SDK2: variants seen among roughly 807,000 people sequenced by gnomAD.
SDK2 encodes the protein protein sidekick-2.
SDK2 carries 105 observed loss-of-function variants against 253.9 expected under a neutral mutation model. The ratio of observed to expected loss-of-function variants is 0.41; its 90% confidence interval spans 0.35 to 0.49. The LOEUF (loss-of-function observed/expected upper bound fraction) is 0.49. SDK2 is among the 20% of genes least tolerant of loss of function. The pLI, the probability that SDK2 is intolerant of heterozygous loss-of-function variation, is 0.06. For missense variants in SDK2, 2,608 were observed against 3,003.0 expected (o/e 0.87, Z 3.07); for synonymous variants, 1,249 against 1,234.9 (o/e 1.01, Z -0.24).
At chr17:73,641,475 A>T (rs139798125) in intron 1 of SDK2, among the ~76,000 whole-genome samples, 1 of 152,232 alleles carries the variant, frequency 6.6e-6, no homozygotes, top group Non-Finnish European at 1.5e-5. Flanking sequence ...ACCTCACTGC[A>T]CTTTGCTTGG....
chr17:73,506,583 T>G (rs2063937465), intron 2 of SDK2, among the ~76,000 whole-genome samples: 1 of 152,234 alleles, frequency 6.6e-6, no homozygotes, highest in Non-Finnish European at 1.5e-5. Context: ...TGGCAGCAGA[T>G]TTGTGTCAAC....
chr17:73,542,599 C>T (rs974232156), intron 1 of SDK2, among the ~76,000 whole-genome samples: 3 of 152,036 alleles, frequency 2.0e-5, no homozygotes, highest in Non-Finnish European at 4.4e-5. Context: ...GTCCCCTCAA[C>T]GAGGAGGGGT....
chr17:73,490,043 A>T (rs2063795191), intron 2 of SDK2, among the ~76,000 whole-genome samples: 1 of 152,106 alleles, frequency 6.6e-6, no homozygotes, highest in Non-Finnish European at 1.5e-5. Flanking sequence ...TTCACAGCAG[A>T]CTTCTTACAC....
Position 73,338,360 on chromosome 17 carries a change from C to T in SDK2, c.*227G>A, listed in dbSNP as rs1179052944. ...TGTAATTCCCAAGGGAGCAGTGAAC[C>T]CCACCATCTCAAAGCTGAAGAGCTG... On this transcript the variant is annotated 3_prime_UTR_variant, in exon 45 of 45. Transcript: ENST00000392650. This position sits in a 1 kb window ranked among gnomAD's most constrained non-coding sequence, Gnocchi z 5.0. 4 of 676,744 alleles carry T rather than the reference C, an allele frequency of 5.9e-6. No homozygotes were observed. The highest frequency in any genetic ancestry group is 5.3e-5 in the African/African-American group (3 of 56,768). The allele number at this position is 676,744 out of a possible 1,614,324, so 41.9% of individuals were successfully genotyped here. A position where few individuals can be genotyped will look rare whatever the true frequency, so the allele number is the denominator to read the frequency against.
chr17:73,339,283 T>C (rs2145363881), intron 44 of SDK2, among the ~76,000 whole-genome samples: 1 of 148,896 alleles, frequency 6.7e-6, no homozygotes, highest in Admixed American at 6.9e-5. Flanking sequence ...CTGGAGTACA[T>C]TGGCATGATC....
chr17:73,472,304 C>T lies in SDK2; in HGVS notation c.225-86G>A. On this transcript the variant is annotated intron_variant, in intron 2 of 44. Coordinates refer to ENST00000392650, the MANE Select transcript of SDK2 (RefSeq NM_001144952.2). ...GATTGGGCTCAGAGGTCAGAGGTCG[C>T]CAGGTCACCCTCTTTTGGAATAAGA... 5.9e-6 allele frequency: 5 copies of T among 848,238 alleles called. No homozygotes were observed. The South Asian group carries it at 7.4e-5, about 13-fold the overall frequency. 52.5% of individuals were successfully genotyped at this position (848,238 alleles called of 1,614,324 possible). A position where few individuals can be genotyped will look rare whatever the true frequency, so the allele number is the denominator to read the frequency against.
chr17:73,388,290 C>T (rs1295011169), intron 29 of SDK2, among the ~76,000 whole-genome samples: 2 of 152,192 alleles, frequency 1.3e-5, no homozygotes, highest in Non-Finnish European at 2.9e-5. Context: ...TCAGGGCAGC[C>T]CTAAGCAAGG....
rs138688703 is a variant in SDK2 at position 73,529,147 on chromosome 17, T to C, written c.65-21550A>G. Among the ~76,000 whole-genome samples the C allele has an allele frequency of 1.1e-4, 16 of 152,296 alleles. No individual in the cohort carries two copies. In the East Asian group the frequency reaches 2.7e-3, roughly 26 times the overall value. On this transcript the variant is annotated intron_variant, in intron 1 of 44. Transcript: ENST00000392650. ...ACTATTTCCTTGTCCAGAAGAAAGA[T>C]GATTCTGGGAAGAGAGGAGGTGGTT...
Position 73,430,543 on chromosome 17 carries a change from G to A in SDK2, c.1551C>T (p.Cys517=), listed in dbSNP as rs776557649. 30 of 1,607,388 alleles carry A rather than the reference G, an allele frequency of 1.9e-5. No homozygotes were observed. The highest frequency in any genetic ancestry group is 5.1e-5 in the Admixed American group (3 of 59,230). Residue 517 remains cysteine (C), a synonymous_variant, in exon 12 of 45, where the codon TGC becomes TGT. Transcript: ENST00000392650. ...VIKGTQASMV[C]GVTHDPRVTI... is the part of the protein sequence containing the mutation. ...TTACTCGGGGGTCGTGGGTCACTCC[G>A]CACACCATGGAGGCCTGGGTGCCCT...
chr17:73,608,059 C>T (rs1301031218), intron 1 of SDK2, among the ~76,000 whole-genome samples: 2 of 152,022 alleles, frequency 1.3e-5, no homozygotes, highest in Non-Finnish European at 2.9e-5. Context: ...CTTGGACTTC[C>T]CTCGTCTTTC....
chr17:73,554,981 G>A (rs1171449319), intron 1 of SDK2, among the ~76,000 whole-genome samples: 1 of 152,236 alleles, frequency 6.6e-6, no homozygotes, highest in Non-Finnish European at 1.5e-5. Context: ...GCTCAGGCAG[G>A]GCCTTGGTGC....
chr17:73,402,965 T>G lies in SDK2; in HGVS notation c.2485-824A>C, dbSNP rs542719005. 1.8e-4 allele frequency among the ~76,000 whole-genome samples: 27 copies of G among 152,030 alleles called. No individual in the cohort carries two copies. The South Asian group carries it at 5.2e-3, about 29-fold the overall frequency. On this transcript the variant is annotated intron_variant, in intron 18 of 44. Coordinates refer to ENST00000392650, the MANE Select transcript of SDK2 (RefSeq NM_001144952.2). ...GACATGCACCACCATGCCCGGCTAA[T>G]TTTTGTATTTTTAGTAGAGATGGGG...
chr17:73,549,861 G>C (rs2045026658), intron 1 of SDK2, among the ~76,000 whole-genome samples: 1 of 152,178 alleles, frequency 6.6e-6, no homozygotes, highest in African/African-American at 2.4e-5. Flanking sequence ...TTCTGTAACA[G>C]AAAGATCACT....
Position 73,452,804 on chromosome 17 carries a change from C to T in SDK2, c.479+3102G>A, listed in dbSNP as rs558564468. ...TACCAATTGATTGGCTTGCAATAGGCCATGGGAAATAACCTCAGAAAGGGA... is the reference window on the plus strand; with the variant it reads ...TACCAATTGATTGGCTTGCAATAGGTCATGGGAAATAACCTCAGAAAGGGA... On this transcript the variant is annotated intron_variant, in intron 4 of 44. Transcript: ENST00000392650. Among the ~76,000 whole-genome samples the T allele has an allele frequency of 2.3e-3, 356 of 152,284 alleles. 3 individuals carry two copies. The highest frequency in any genetic ancestry group is 4.0e-3 in the Non-Finnish European group (274 of 68,026).
intron 18 of SDK2, among the ~76,000 whole-genome samples, chr17:73,408,083 G>C (rs1331502064): frequency 7.2e-6 from 1 of 139,374 alleles, no homozygotes; most frequent in African/African-American, 2.7e-5. Flanking sequence ...ACAGAGTCTG[G>C]CTCTGTCGCC....
chr17:73,463,501 A>C (rs1279529648), intron 3 of SDK2, among the ~76,000 whole-genome samples: 1 of 152,206 alleles, frequency 6.6e-6, no homozygotes, highest in Non-Finnish European at 1.5e-5. Flanking sequence ...TAGAACACTA[A>C]CAATACCTTT....
At chr17:73,605,047 G>A (rs187942576) in intron 1 of SDK2, among the ~76,000 whole-genome samples, 2 of 152,332 alleles carry the variant, frequency 1.3e-5, no homozygotes, top group Admixed American at 6.5e-5. Flanking sequence ...ACTGGGCAAG[G>A]CCAACTATGG....
chr17:73,475,404 G>T (rs370006960), intron 2 of SDK2, among the ~76,000 whole-genome samples: 1 of 151,950 alleles, frequency 6.6e-6, no homozygotes, highest in Non-Finnish European at 1.5e-5. Flanking sequence ...CACCCACCTC[G>T]GCCTCCCAAA....
chr17:73,494,137 T>C (rs1346442096), intron 2 of SDK2, among the ~76,000 whole-genome samples: 3 of 152,182 alleles, frequency 2.0e-5, no homozygotes, highest in South Asian at 2.1e-4. Context: ...TGTTGGCACC[T>C]TTGCCTCTGA....
Sources: gnomAD v4.1 joint callset for allele counts (sites outside exome capture counted in the v4.1 genomes callset) on GRCh38, gnomAD v4.1.1 for gene constraint, Gnocchi (gnomAD v3.1) non-coding constraint, MANE v1.5 for transcripts, NCBI Gene and HGNC (gene_info 2026-07-23, HGNC 2026-07-21) for gene names.